The following PCDHGA10 variants were observed in gnomAD, a reference collection of about 807,000 sequenced individuals.
PCDHGA10 encodes protocadherin gamma-A10.
PCDHGA10 carries 42 observed loss-of-function variants against 59.5 expected under a neutral mutation model. The observed-to-expected ratio is 0.71, with a 90% CI of 0.55 to 0.91. The LOEUF (loss-of-function observed/expected upper bound fraction) is 0.91. Ranked by LOEUF, PCDHGA10 falls within the 40% of genes least tolerant of loss-of-function variation. The pLI, the probability that PCDHGA10 is intolerant of heterozygous loss-of-function variation, is 0.00. For synonymous variants in PCDHGA10, 511 were observed against 517.2 expected (o/e 0.99, Z 0.16); for missense variants, 1,111 against 1,198.2 (o/e 0.93, Z 1.07).
intron 1 of PCDHGA10, chr5:141,430,857 A>T: frequency 6.3e-7 from 1 of 1,591,434 alleles, no homozygotes; most frequent in Non-Finnish European, 8.5e-7. Flanking sequence ...CAGATACGCT[A>T]TTCAGTTCCG....
chr5:141,438,767 T>C (rs1478209487), intron 1 of PCDHGA10, among the ~76,000 whole-genome samples: 2 of 148,566 alleles, frequency 1.3e-5, no homozygotes, highest in Non-Finnish European at 3.0e-5. Flanking sequence ...GTTCAAGCGA[T>C]TCTCCTGCCT....
chr5:141,428,114 C>T (rs2097111703), intron 1 of PCDHGA10: 1 of 1,607,084 alleles, frequency 6.2e-7, no homozygotes, highest in Admixed American at 1.7e-5. Context: ...TGCAGGCCAT[C>T]GAGCCCGGGC....
chr5:141,419,872 A>G (rs1354880437), intron 1 of PCDHGA10: 1 of 1,614,094 alleles, frequency 6.2e-7, no homozygotes, highest in Admixed American at 1.7e-5. Flanking sequence ...TGCAAGAGGT[A>G]CTGCCGGATT....
Position 141,431,634 on chromosome 5 carries a change from T to C in PCDHGA10, c.2436+16023T>C. 2.5e-6 allele frequency: 4 copies of C among 1,614,238 alleles called. No homozygotes were observed. Among genetic ancestry groups the C allele is most frequent in the Non-Finnish European group, 3.4e-6 (4 of 1,180,044 alleles). ...GTGGACGACAAGGCGGCCCAAGTTTTCAAACTAGATTGTAATTCAGGGACA... is the reference window on the plus strand; with the variant it reads ...GTGGACGACAAGGCGGCCCAAGTTTCCAAACTAGATTGTAATTCAGGGACA... On this transcript the variant is annotated intron_variant, in intron 1 of 3. Coordinates refer to ENST00000398610, the MANE Select transcript of PCDHGA10 (RefSeq NM_018913.3). The surrounding 1 kb of genome is among the most constrained non-coding windows in gnomAD (Gnocchi z 4.8).
At position 141,428,093 on chromosome 5, in the gene PCDHGA10, C is replaced by T. The variant is rs577985465; in HGVS notation, c.2436+12482C>T. On this transcript the variant is annotated intron_variant, in intron 1 of 3. Transcript: ENST00000398610. ...ATTCGGGACACAACGCTTGGCTGTC[C>T]TACCACGTGCTGCAGGCCATCGAGC... 2.4e-4 allele frequency: 380 copies of T among 1,608,880 alleles called. 2 individuals are homozygous for T. The South Asian group carries it at 4.0e-3, about 17-fold the overall frequency.
chr5:141,462,999 C>T (rs1360054048), intron 1 of PCDHGA10, among the ~76,000 whole-genome samples: 1 of 152,068 alleles, frequency 6.6e-6, no homozygotes, highest in Non-Finnish European at 1.5e-5. Flanking sequence ...TAATTTAGAC[C>T]TACCACTTAA....
chr5:141,426,806 T>C (rs1390972821), intron 1 of PCDHGA10: 1 of 456,600 alleles, frequency 2.2e-6, no homozygotes, highest in Non-Finnish European at 4.4e-6. Context: ...TCAGTTCTAA[T>C]GAACATTTCT....
At position 141,489,264 on chromosome 5, in the gene PCDHGA10, G is replaced by T. The variant is rs1314393358; in HGVS notation, c.2437-5543G>T. 10 of 1,553,088 alleles carry T rather than the reference G, an allele frequency of 6.4e-6. No individual in the cohort carries two copies. Among genetic ancestry groups the T allele is most frequent in the Non-Finnish European group, 7.0e-6 (8 of 1,149,620 alleles). ...TCATGGGGCCCAAGACACTCCCACA[G>T]CTCGCTGGGAAATGGCAAGTGCTGT... On this transcript the variant is annotated intron_variant, in intron 1 of 3. Transcript: ENST00000398610. The surrounding 1 kb of genome is among the most constrained non-coding windows in gnomAD (Gnocchi z 4.5).
intron 1 of PCDHGA10, chr5:141,422,942 G>C (rs199976232): frequency 6.2e-7 from 1 of 1,614,214 alleles, no homozygotes; most frequent in East Asian, 2.2e-5. Flanking sequence ...CCCACAGACG[G>C]CTCCACTGGC....
intron 1 of PCDHGA10, among the ~76,000 whole-genome samples, chr5:141,479,965 T>C (rs2099510479): frequency 6.6e-6 from 1 of 152,234 alleles, no homozygotes; most frequent in East Asian, 1.9e-4. Context: ...GTTAGTCAAA[T>C]GAGGTTCTAC....
In PCDHGA10 at chr5:141,431,221, A is replaced by T; in HGVS notation, c.2436+15610A>T. 6.2e-7 allele frequency: 1 copy of T among 1,614,124 alleles called. No homozygotes were observed. The highest frequency in any genetic ancestry group is 8.5e-7 in the Non-Finnish European group (1 of 1,180,026). On this transcript the variant is annotated intron_variant, in intron 1 of 3. Transcript: ENST00000398610. The surrounding 1 kb of genome is among the most constrained non-coding windows in gnomAD (Gnocchi z 4.8). Reference sequence around the variant, plus strand: ...CAGCCACTGAGATGCGGTTCCCTCTACCCCACGCCTGGGATCCGGATATCG... The same window carrying T: ...CAGCCACTGAGATGCGGTTCCCTCTTCCCCACGCCTGGGATCCGGATATCG...
At position 141,414,540 on chromosome 5, in the gene PCDHGA10, C is replaced by A. The variant is rs1158346953; in HGVS notation, c.1365C>A (p.Thr455=). 1.2e-5 allele frequency: 19 copies of A among 1,613,948 alleles called. No individual in the cohort carries two copies. The highest frequency in any genetic ancestry group is 1.5e-5 in the Non-Finnish European group (18 of 1,179,894). The part of the protein sequence containing the change: ...QVADINDNPP[T]FSQVSYFTYI... ...CAGATATCAATGACAACCCACCTACCTTCTCTCAAGTCTCCTACTTTACCT... is the reference window on the plus strand; with the variant it reads ...CAGATATCAATGACAACCCACCTACATTCTCTCAAGTCTCCTACTTTACCT... The change falls in exon 1 of 4, where the codon ACC becomes ACA. Residue 455 remains threonine (T), a synonymous_variant. Coordinates refer to ENST00000398610, the MANE Select transcript of PCDHGA10 (RefSeq NM_018913.3).
At chr5:141,427,602 A>G (rs1415454468) in intron 1 of PCDHGA10, 1 of 685,668 alleles carries the variant, frequency 1.5e-6, no homozygotes, top group Non-Finnish European at 2.7e-6. Flanking sequence ...CACCCTACGC[A>G]TTGGTGAAGT....
intron 1 of PCDHGA10, chr5:141,418,790 G>A (rs1434374059): frequency 2.5e-6 from 4 of 1,613,758 alleles, no homozygotes; most frequent in Admixed American, 3.3e-5. Flanking sequence ...GGATTTTGAA[G>A]AAGTAGAAAG....
At chr5:141,469,964 G>T (rs974494589) in intron 1 of PCDHGA10, among the ~76,000 whole-genome samples, 2 of 152,002 alleles carry the variant, frequency 1.3e-5, no homozygotes, top group Non-Finnish European at 2.9e-5. Flanking sequence ...AACCCCATCT[G>T]TACCAAAAAT....
chr5:141,507,570 G>A (rs562674847), intron 3 of PCDHGA10, among the ~76,000 whole-genome samples: 1 of 152,366 alleles, frequency 6.6e-6, no homozygotes, highest in South Asian at 2.1e-4. Flanking sequence ...CTGGGTCTGA[G>A]GAGATGCCAA....
chr5:141,449,592 A>C (rs1344646010), intron 1 of PCDHGA10, among the ~76,000 whole-genome samples: 1 of 150,266 alleles, frequency 6.7e-6, no homozygotes, highest in African/African-American at 2.4e-5. Context: ...CTGTCTCAAA[A>C]AAAAAAAAAA....
At chr5:141,463,847 G>T (rs922334975) in intron 1 of PCDHGA10, among the ~76,000 whole-genome samples, 9 of 152,158 alleles carry the variant, frequency 5.9e-5, no homozygotes, top group African/African-American at 2.2e-4. Context: ...TGTTATAGTG[G>T]TATATCTGGT....
Position 141,431,253 on chromosome 5 carries a change from A to G in PCDHGA10, c.2436+15642A>G, listed in dbSNP as rs1554123268. The G allele has an allele frequency of 1.2e-6, 2 of 1,614,132 alleles. No individual in the cohort carries two copies. Among genetic ancestry groups the G allele is most frequent in the South Asian group, 1.1e-5 (1 of 91,088 alleles). ...GCCTGGGATCCGGATATCGGGAAGA[A>G]CTCTCTGCAGAGCTACGAGCTCAGC... is the stretch of plus-strand genomic sequence containing the variant. On this transcript the variant is annotated intron_variant, in intron 1 of 3. Transcript: ENST00000398610. The surrounding 1 kb of genome is among the most constrained non-coding windows in gnomAD (Gnocchi z 4.8).
Sources: allele counts gnomAD v4.1 joint callset (sites outside exome capture counted in the v4.1 genomes callset), GRCh38; gene constraint gnomAD v4.1.1; non-coding constraint Gnocchi (gnomAD v3.1); transcripts MANE v1.5; gene names NCBI Gene and HGNC (gene_info 2026-07-23, HGNC 2026-07-21).